Variants in ANKH observed in about 807,000 individuals in gnomAD.
The protein encoded by ANKH is mineralization regulator ANKH.
Under a neutral mutation model 49.0 loss-of-function variants are expected in ANKH, and 15 were observed. The observed-to-expected ratio is 0.31, with a 90% CI of 0.20 to 0.47. The LOEUF is 0.47. Among genes scored for constraint, ANKH ranks in the 20% least tolerant of loss-of-function variants. The pLI is 1.00. For missense variants in ANKH, 429 were observed against 652.0 expected (o/e 0.66, Z 3.72); for synonymous variants, 273 against 260.0 (o/e 1.05, Z -0.48).
chr5:14,768,688 A>G (rs958035997), intron 2 of ANKH: 23 of 506,150 alleles, frequency 4.5e-5, no homozygotes, highest in Non-Finnish European at 8.2e-5. Flanking sequence ...AGCACCTGCT[A>G]TTTTATTGGC....
chr5:14,863,645 G>A (rs562695298), intron 1 of ANKH, among the ~76,000 whole-genome samples: 46 of 152,082 alleles, frequency 3.0e-4, no homozygotes, highest in Non-Finnish European at 1.8e-4. Context: ...AGAGTCACAG[G>A]TGTTCAAAAA....
intron 1 of ANKH, among the ~76,000 whole-genome samples, chr5:14,837,707 A>T (rs1244801547): frequency 2.0e-5 from 3 of 152,224 alleles, no homozygotes; most frequent in Middle Eastern, 3.2e-3. Flanking sequence ...ATTGTGGAAG[A>T]CAGTGTGGCG....
intron 8 of ANKH, among the ~76,000 whole-genome samples, chr5:14,723,121 G>A (rs1417830463): frequency 6.6e-6 from 1 of 152,088 alleles, no homozygotes; most frequent in Non-Finnish European, 1.5e-5. Context: ...GAAGCATGAT[G>A]ACTAGACATA....
rs566454445 is a variant in ANKH at position 14,761,844 on chromosome 5, C to CA, written c.314-3247dup. Among the ~76,000 whole-genome samples, 279 of 151,822 alleles carry CA rather than the reference C, an allele frequency of 1.8e-3. 1 individual carries two copies. The highest frequency in any genetic ancestry group is 6.0e-3 in the African/African-American group (250 of 41,344). On this transcript the variant is annotated intron_variant, in intron 2 of 11. Coordinates refer to ENST00000284268, the MANE Select transcript of ANKH (RefSeq NM_054027.6). ...GCAGTGGCGCAATCTCAGCTCACTG[C>CA]AACCTCCACCTCCTGGGTTCAAGCA...
chr5:14,805,757 C>A (rs1740693389), intron 1 of ANKH, among the ~76,000 whole-genome samples: 1 of 152,058 alleles, frequency 6.6e-6, no homozygotes, highest in Non-Finnish European at 1.5e-5. Flanking sequence ...AACGGCCCTG[C>A]AGATGGTTCC....
chr5:14,864,591 T>C (rs1409877155), intron 1 of ANKH, among the ~76,000 whole-genome samples: 1 of 152,160 alleles, frequency 6.6e-6, no homozygotes, highest in African/African-American at 2.4e-5. Flanking sequence ...TATGTATGAA[T>C]TGGACACTGA....
intron 8 of ANKH, among the ~76,000 whole-genome samples, chr5:14,730,325 G>A (rs972933726): frequency 4.6e-5 from 7 of 152,158 alleles, no homozygotes; most frequent in African/African-American, 1.4e-4. Flanking sequence ...ACAGGAATCA[G>A]GGAAAATTAT....
In ANKH at chr5:14,769,204, A is replaced by G. The variant is rs755378187; in HGVS notation, c.97-13T>C. The G allele has an allele frequency of 2.3e-5, 36 of 1,599,828 alleles. No homozygotes were observed. Among genetic ancestry groups the G allele is most frequent in the Non-Finnish European group, 3.0e-5 (35 of 1,171,128 alleles). On this transcript the variant is annotated splice_polypyrimidine_tract_variant and intron_variant, in intron 1 of 11. Coordinates refer to ENST00000284268, the MANE Select transcript of ANKH (RefSeq NM_054027.6). Reference sequence around the variant, plus strand: ...CCCGGTTCAAGGCCTGGGAAGGGGGAAAAAAACCCACAAGCATTAGAAATG... The same window carrying G: ...CCCGGTTCAAGGCCTGGGAAGGGGGGAAAAAACCCACAAGCATTAGAAATG...
Position 14,706,801 on chromosome 5 carries a change from A to G in ANKH, c.*4396T>C, listed in dbSNP as rs1736959045. 1 of 152,252 alleles carries G rather than the reference A, an allele frequency of 6.6e-6. No homozygotes were observed. 9.4% of individuals were successfully genotyped at this position (152,252 alleles called of 1,614,324 possible). A position where few individuals can be genotyped will look rare whatever the true frequency, so the allele number is the denominator to read the frequency against. On this transcript the variant is annotated 3_prime_UTR_variant, in exon 12 of 12. Transcript: ENST00000284268. The stretch of plus-strand genomic sequence containing the variant: ...AAATAGAGATTCAAAATAACCACAC[A>G]GAGGAGTATCCCAGACACGTTGCTC...
chr5:14,867,698 T>C (rs1735688118), intron 1 of ANKH, among the ~76,000 whole-genome samples: 1 of 152,204 alleles, frequency 6.6e-6, no homozygotes, highest in South Asian at 2.1e-4. Flanking sequence ...TAGCTGGGAC[T>C]ACAGGCACCC....
intron 1 of ANKH, among the ~76,000 whole-genome samples, chr5:14,823,988 A>G (rs774547072): frequency 4.6e-5 from 7 of 152,112 alleles, no homozygotes. Flanking sequence ...GCCCAGATAA[A>G]CAGGCAGCAG....
chr5:14,750,953 C>CA, intron 5 of ANKH, 116 bp downstream of exon 5: 1 of 1,332,142 alleles, frequency 7.5e-7, no homozygotes, highest in East Asian at 2.4e-5. Flanking sequence ...CTGGGTATGA[C>CA]ATCCTGGCCA....
At chr5:14,758,278 G>A (rs937402768) in intron 3 of ANKH, among the ~76,000 whole-genome samples, 21 of 152,294 alleles carry the variant, frequency 1.4e-4, no homozygotes, top group Non-Finnish European at 2.4e-4. Flanking sequence ...GGAGGGGGCC[G>A]AGGAGGGTTA....
rs1737342965 is a variant in ANKH at position 14,713,961 on chromosome 5, A to G, written c.1142-294T>C. Among the ~76,000 whole-genome samples the G allele has an allele frequency of 6.6e-6, 1 of 152,236 alleles. No individual in the cohort carries two copies. Among genetic ancestry groups the G allele is most frequent in the Admixed American group, 6.5e-5 (1 of 15,292 alleles). On this transcript the variant is annotated intron_variant, in intron 9 of 11. Coordinates refer to ENST00000284268, the MANE Select transcript of ANKH (RefSeq NM_054027.6). The surrounding 1 kb of genome is among the most constrained non-coding windows in gnomAD (Gnocchi z 4.4). The stretch of plus-strand genomic sequence containing the variant: ...CCAGGCAGCCTAGCTGCTCTTGTCC[A>G]GTCCTGTCCCCACACTTGGCCAGCC...
chr5:14,861,269 T>C (rs1201024431), intron 1 of ANKH, among the ~76,000 whole-genome samples: 3 of 152,268 alleles, frequency 2.0e-5, no homozygotes, highest in African/African-American at 7.2e-5. Flanking sequence ...AAGCCACCTT[T>C]CCTTCTCACG....
At chr5:14,829,347 C>T (rs1741440757) in intron 1 of ANKH, among the ~76,000 whole-genome samples, 1 of 152,066 alleles carries the variant, frequency 6.6e-6, no homozygotes, top group African/African-American at 2.4e-5. Flanking sequence ...CCTGAAGTCC[C>T]CCTGTTCTCC....
chr5:14,857,062 G>C (rs569198055), intron 1 of ANKH, among the ~76,000 whole-genome samples: 1 of 152,232 alleles, frequency 6.6e-6, no homozygotes, highest in African/African-American at 2.4e-5. Flanking sequence ...AAATATACGG[G>C]GGAGTAAAAC....
intron 9 of ANKH, among the ~76,000 whole-genome samples, chr5:14,716,351 G>A (rs1486577569): frequency 2.6e-5 from 4 of 152,126 alleles, no homozygotes; most frequent in South Asian, 2.1e-4. Context: ...AAATTAGTTG[G>A]GTATGGTGGT....
At chr5:14,787,139 C>T in intron 1 of ANKH, among the ~76,000 whole-genome samples, 1 of 152,018 alleles carries the variant, frequency 6.6e-6, no homozygotes, top group East Asian at 1.9e-4. Context: ...CATGGTGAAA[C>T]CCCGTCTCTA....
Sources: gnomAD v4.1 joint callset for allele counts (sites outside exome capture counted in the v4.1 genomes callset) on GRCh38, gnomAD v4.1.1 for gene constraint, Gnocchi (gnomAD v3.1) non-coding constraint, MANE v1.5 for transcripts, NCBI Gene and HGNC (gene_info 2026-07-23, HGNC 2026-07-21) for gene names.